Variants in SIPA1L2 observed in about 807,000 individuals in gnomAD.
SIPA1L2 encodes signal induced proliferation associated 1 like 2, also known as signal-induced proliferation-associated 1-like protein 2.
A neutral mutation model predicts 163.9 loss-of-function variants in SIPA1L2; 56 were observed. The ratio of observed to expected loss-of-function variants is 0.34; its 90% CI spans 0.28 to 0.43. SIPA1L2 has a LOEUF of 0.43. SIPA1L2 is among the 20% of genes least tolerant of loss of function. The probability of loss-of-function intolerance (pLI) is 1.00; values close to 1 mark genes in which losing one functional copy is unlikely to be tolerated. For synonymous variants in SIPA1L2, 877 were observed against 865.7 expected (o/e 1.01, Z -0.23); for missense variants, 1,974 against 2,193.5 (o/e 0.90, Z 2.00).
intron 19 of SIPA1L2, among the ~76,000 whole-genome samples, chr1:232,404,918 C>CTA (rs1372158484): frequency 6.6e-6 from 1 of 152,108 alleles, no homozygotes; most frequent in Non-Finnish European, 1.5e-5. Flanking sequence ...ATACAGCAGG[C>CTA]GTGTTAGTGC....
intron 1 of SIPA1L2, among the ~76,000 whole-genome samples, chr1:232,604,898 C>T (rs111776393): frequency 7.9e-4 from 121 of 152,210 alleles, no homozygotes; most frequent in African/African-American, 2.9e-3. Context: ...CTGAGGCCTC[C>T]CCAGAAGCCA....
rs1174317913 is a variant in SIPA1L2 at position 232,439,125 on chromosome 1, C to T, written c.4014G>A (p.Glu1338=). ...AAEGSMGDLS[E]ISSHSSGSHH... The stretch of plus-strand genomic sequence containing the variant: ...GGGCTTACCTGGAATGAGAGGATAT[C>T]TCACTGAGATCGCCCATGCTGCCTT... The change falls in exon 15 of 23, where the codon GAG becomes GAA. Residue 1338 remains glutamate (E), a synonymous_variant. Transcript: ENST00000674635. The T allele has an allele frequency of 8.1e-6, 13 of 1,607,978 alleles. No homozygotes were observed. Among genetic ancestry groups the T allele is most frequent in the Non-Finnish European group, 1.1e-5 (13 of 1,176,928 alleles).
At chr1:232,569,170 T>C (rs747156499) in intron 2 of SIPA1L2, among the ~76,000 whole-genome samples, 1 of 152,234 alleles carries the variant, frequency 6.6e-6, no homozygotes, top group African/African-American at 2.4e-5. Context: ...GCTGATAGTG[T>C]AATATGAAAT....
intron 17 of SIPA1L2, among the ~76,000 whole-genome samples, chr1:232,428,093 T>C (rs545871658): frequency 1.5e-4 from 23 of 152,328 alleles, no homozygotes; most frequent in African/African-American, 5.1e-4. Context: ...GATGAGAGCA[T>C]TGAGGTCAAG....
chr1:232,399,727 T>C (rs982735463), intron 22 of SIPA1L2, among the ~76,000 whole-genome samples: 2 of 152,198 alleles, frequency 1.3e-5, no homozygotes, highest in African/African-American at 2.4e-5. Flanking sequence ...TATACTATAT[T>C]TCCATAATGA....
chr1:232,478,250 T>C (rs1190849492), intron 7 of SIPA1L2, among the ~76,000 whole-genome samples: 1 of 152,146 alleles, frequency 6.6e-6, no homozygotes, highest in Non-Finnish European at 1.5e-5. Context: ...TTGAAGGTGG[T>C]AGGAAGAACT....
chr1:232,594,593 T>G (rs1292147965), intron 1 of SIPA1L2, among the ~76,000 whole-genome samples: 3 of 152,164 alleles, frequency 2.0e-5, no homozygotes, highest in Non-Finnish European at 4.4e-5. Flanking sequence ...TTGGGACCAG[T>G]GCTTAAGGGA....
chr1:232,565,162 C>A (rs1006742879), intron 2 of SIPA1L2, among the ~76,000 whole-genome samples: 12 of 152,190 alleles, frequency 7.9e-5, no homozygotes, highest in African/African-American at 2.9e-4. Flanking sequence ...GATCAACAAG[C>A]ATCGTCTGGA....
intron 3 of SIPA1L2, among the ~76,000 whole-genome samples, chr1:232,503,206 G>A (rs1026271462): frequency 3.3e-5 from 5 of 152,140 alleles, no homozygotes; most frequent in Admixed American, 3.3e-4. Flanking sequence ...CACCTATCAT[G>A]CAAATACAAC....
intron 1 of SIPA1L2, among the ~76,000 whole-genome samples, chr1:232,601,153 C>G (rs1661577261): frequency 6.6e-6 from 1 of 152,172 alleles, no homozygotes; most frequent in African/African-American, 2.4e-5. Flanking sequence ...AGGCTGGGCC[C>G]TGGGACACAG....
intron 19 of SIPA1L2, among the ~76,000 whole-genome samples, chr1:232,404,840 C>A (rs1022731532): frequency 6.6e-5 from 10 of 152,140 alleles, no homozygotes; most frequent in African/African-American, 2.4e-4. Flanking sequence ...TCAATTCACC[C>A]TCATTCCCTG....
intron 10 of SIPA1L2, among the ~76,000 whole-genome samples, chr1:232,448,413 G>A (rs941703522): frequency 2.0e-5 from 3 of 152,308 alleles, no homozygotes; most frequent in Middle Eastern, 3.4e-3. Context: ...TTTGCCCTTT[G>A]AGAAATCTAT....
chr1:232,557,370 T>A (rs937409594), intron 2 of SIPA1L2, among the ~76,000 whole-genome samples: 1 of 152,162 alleles, frequency 6.6e-6, no homozygotes, highest in Admixed American at 6.5e-5. Context: ...GGAAGCCACA[T>A]ACAGCAGGGG....
At chr1:232,420,948 T>A (rs1661543845) in intron 18 of SIPA1L2, among the ~76,000 whole-genome samples, 1 of 151,974 alleles carries the variant, frequency 6.6e-6, no homozygotes, top group South Asian at 2.1e-4. Context: ...TCTCACAGAG[T>A]TTTTCCAAAT....
rs147485260 is a variant in SIPA1L2 at position 232,485,791 on chromosome 1, G to C, written c.1807-1825C>G. The stretch of plus-strand genomic sequence containing the variant: ...CTTTCACTGTGAGAAGAGGATTTCA[G>C]CTCCCTGGTTATTTGGCCCTGGCTG... On this transcript the variant is annotated intron_variant, in intron 5 of 22. Transcript: ENST00000674635. 3.5e-4 allele frequency among the ~76,000 whole-genome samples: 53 copies of C among 152,292 alleles called. No individual in the cohort carries two copies. The East Asian group carries it at 7.9e-3, about 23-fold the overall frequency.
At chr1:232,493,721 A>C in intron 3 of SIPA1L2, 61 bp from the exon 4 acceptor site, 2 of 1,592,232 alleles carry the variant, frequency 1.3e-6, no homozygotes, top group South Asian at 2.2e-5. Flanking sequence ...AGCAGGATGG[A>C]TATCTCTCAG....
rs1041014420 is a variant in SIPA1L2, at chr1:232,484,789, A to G, written c.1807-823T>C. On this transcript the variant is annotated intron_variant, in intron 5 of 22. Coordinates refer to ENST00000674635, the MANE Select transcript of SIPA1L2 (RefSeq NM_020808.5). The stretch of plus-strand genomic sequence containing the variant: ...AGAGGAACTGCTTCTAACTCATGCA[A>G]TCAGAGCTCTTAATCTTACTACCAG... Among the ~76,000 whole-genome samples, 6 of 152,196 alleles carry G rather than the reference A, an allele frequency of 3.9e-5. No homozygotes were observed. The East Asian group carries it at 1.2e-3, about 29-fold the overall frequency.
At chr1:232,444,784 A>C (rs1663110869) in intron 11 of SIPA1L2, among the ~76,000 whole-genome samples, 1 of 152,210 alleles carries the variant, frequency 6.6e-6, no homozygotes, top group Non-Finnish European at 1.5e-5. Flanking sequence ...CAAGTAAGTT[A>C]AGAGCTGTGA....
intron 1 of SIPA1L2, among the ~76,000 whole-genome samples, chr1:232,626,144 A>G (rs577476580): frequency 6.6e-6 from 1 of 152,064 alleles, no homozygotes; most frequent in Non-Finnish European, 1.5e-5. Flanking sequence ...ATGCATTGAC[A>G]ATAGGTAGTA....
Sources: allele counts gnomAD v4.1 joint callset (sites outside exome capture counted in the v4.1 genomes callset), GRCh38; gene constraint gnomAD v4.1.1; transcripts MANE v1.5; gene names NCBI Gene and HGNC (gene_info 2026-07-23, HGNC 2026-07-21).